Variants in CHD9 observed in about 807,000 individuals in gnomAD.
The protein encoded by CHD9 is ATP-dependent chromatin remodeler CHD9.
Under a neutral mutation model 316.1 loss-of-function variants are expected in CHD9, and 77 were observed. That is an observed-to-expected ratio of 0.24 (90% CI 0.20 to 0.29). The LOEUF is 0.29. Among genes scored for constraint, CHD9 ranks in the 10% least tolerant of loss-of-function variants. The pLI is 1.00. For synonymous variants in CHD9, 1,129 were observed against 1,158.3 expected (o/e 0.97, Z 0.51); for missense variants, 2,763 against 3,438.1 (o/e 0.80, Z 4.91).
intron 34 of CHD9, among the ~76,000 whole-genome samples, chr16:53,314,044 A>G (rs2056691900): frequency 6.6e-6 from 1 of 152,170 alleles, no homozygotes; most frequent in South Asian, 2.1e-4. Context: ...TAAAAAAACA[A>G]GCTTTTGAAA....
At chr16:53,243,127 C>G (rs749562624) in intron 13 of CHD9, 111 bp downstream of exon 13, 2 of 651,250 alleles carry the variant, frequency 3.1e-6, no homozygotes, top group South Asian at 2.8e-5. Context: ...TGTAGTACAT[C>G]TGAATCTTAT....
intron 3 of CHD9, among the ~76,000 whole-genome samples, chr16:53,217,232 G>T (rs1310682946): frequency 6.6e-6 from 1 of 152,016 alleles, no homozygotes; most frequent in Admixed American, 6.6e-5. Context: ...AGTTTGTTGG[G>T]CATTTTCTCA....
intron 1 of CHD9, among the ~76,000 whole-genome samples, chr16:53,111,434 T>G (rs1293944513): frequency 2.0e-5 from 3 of 152,244 alleles, no homozygotes; most frequent in African/African-American, 7.2e-5. Flanking sequence ...ACTTTAAAAA[T>G]GTTTGAAAAT....
chr16:53,276,666 C>T (rs2052861259), intron 24 of CHD9, among the ~76,000 whole-genome samples: 1 of 152,048 alleles, frequency 6.6e-6, no homozygotes, highest in Admixed American at 6.6e-5. Context: ...TTACTCTTAC[C>T]TTTCTGGGAC....
chr16:53,109,668 T>A (rs2037675410), intron 1 of CHD9, among the ~76,000 whole-genome samples: 2 of 141,160 alleles, frequency 1.4e-5, no homozygotes, highest in Admixed American at 7.3e-5. Flanking sequence ...AAATTTGGAT[T>A]CCCAGTTTCT....
chr16:53,252,184 G>A (rs2050183867), intron 17 of CHD9, among the ~76,000 whole-genome samples: 2 of 152,084 alleles, frequency 1.3e-5, no homozygotes, highest in Non-Finnish European at 2.9e-5. Context: ...AAACAGCATG[G>A]TACTGGTATA....
intron 34 of CHD9, among the ~76,000 whole-genome samples, chr16:53,310,278 G>A (rs559154794): frequency 8.0e-5 from 12 of 150,924 alleles, no homozygotes; most frequent in South Asian, 6.3e-4. Context: ...AATTACAGTC[G>A]CCCAAATTAT....
At chr16:53,294,029 C>G (rs138766335) in intron 29 of CHD9, among the ~76,000 whole-genome samples, 7 of 152,170 alleles carry the variant, frequency 4.6e-5, no homozygotes, top group African/African-American at 9.6e-5. Flanking sequence ...ATTTTACATC[C>G]AGACTTTTAT....
chr16:53,176,941 CTTTA>C (rs2043135024), intron 2 of CHD9, among the ~76,000 whole-genome samples: 1 of 151,962 alleles, frequency 6.6e-6, no homozygotes, highest in South Asian at 2.1e-4. Context: ...GTGGTGACAT[CTTTA>C]TTTATTTAAT....
intron 2 of CHD9, chr16:53,207,925 TG>T: frequency 2.2e-6 from 1 of 455,644 alleles, no homozygotes; most frequent in Non-Finnish European, 2.9e-6. Context: ...GAATAATAAC[TG>T]GTAGCACCAT....
chr16:53,067,663 C>T (rs1006316137), intron 1 of CHD9, among the ~76,000 whole-genome samples: 1 of 152,070 alleles, frequency 6.6e-6, no homozygotes, highest in Non-Finnish European at 1.5e-5. Context: ...GGTTTTGACG[C>T]GGAAGACCAC....
At chr16:53,241,517 A>G (rs571818121) in intron 12 of CHD9, among the ~76,000 whole-genome samples, 10 of 152,330 alleles carry the variant, frequency 6.6e-5, no homozygotes, top group African/African-American at 2.4e-4. Context: ...CTTCTTAACA[A>G]CTCCACATGG....
intron 1 of CHD9, among the ~76,000 whole-genome samples, chr16:53,114,541 A>G (rs1433617502): frequency 6.6e-6 from 1 of 151,852 alleles, no homozygotes; most frequent in Non-Finnish European, 1.5e-5. Context: ...TACAGGCGTG[A>G]GCCACTGCGC....
At chr16:53,169,489 A>C (rs2042523190) in intron 2 of CHD9, 1 of 152,228 alleles carries the variant, frequency 6.6e-6, no homozygotes, top group African/African-American at 2.4e-5. Flanking sequence ...TCTGTATTGA[A>C]AGTCTCATTT....
chr16:53,088,275 CTTTGTTTTTTT>C (rs1218289929), intron 1 of CHD9, among the ~76,000 whole-genome samples: 1 of 127,050 alleles, frequency 7.9e-6, no homozygotes, highest in Admixed American at 8.3e-5. Context: ...ATGACATGCA[CTTTGTTTTTTT>C]TTTTTTTTTG....
chr16:53,294,189 G>A (rs1443581809), intron 29 of CHD9, among the ~76,000 whole-genome samples: 1 of 152,130 alleles, frequency 6.6e-6, no homozygotes, highest in Non-Finnish European at 1.5e-5. Context: ...TTCTTAAAAG[G>A]AATAGAGTAC....
At chr16:53,246,146 A>G (rs981435589) in intron 15 of CHD9, among the ~76,000 whole-genome samples, 8 of 152,212 alleles carry the variant, frequency 5.3e-5, no homozygotes, top group Non-Finnish European at 1.2e-4. Flanking sequence ...GGGCTTCTGC[A>G]TTGCCATTTT....
chr16:53,238,671 G>A, intron 12 of CHD9, 85 bp downstream of exon 12: 1 of 1,370,408 alleles, frequency 7.3e-7, no homozygotes, highest in South Asian at 1.4e-5. Flanking sequence ...TTCAAATTTA[G>A]GATACATTTT....
At chr16:53,205,484 A>G (rs2045826243) in intron 2 of CHD9, among the ~76,000 whole-genome samples, 2 of 152,146 alleles carry the variant, frequency 1.3e-5, no homozygotes, top group Non-Finnish European at 1.5e-5. Flanking sequence ...TGGTGGGGGG[A>G]AGGGCAGAAA....
Sources: allele counts gnomAD v4.1 joint callset (sites outside exome capture counted in the v4.1 genomes callset), GRCh38; gene constraint gnomAD v4.1.1; transcripts MANE v1.5; gene names NCBI Gene and HGNC (gene_info 2026-07-23, HGNC 2026-07-21).